Variants in DTNA observed in about 807,000 individuals in gnomAD.
DTNA encodes the protein dystrobrevin alpha, also known as dystrophin-related protein 3.
DTNA carries 43 observed loss-of-function variants against 100.7 expected under a neutral mutation model. The observed-to-expected ratio is 0.43, with a 90% CI of 0.33 to 0.55. The LOEUF is 0.55. Ranked by LOEUF, DTNA falls within the 20% of genes least tolerant of loss-of-function variation. DTNA has a pLI of 0.04. For synonymous variants in DTNA, 349 were observed against 347.9 expected, an observed-to-expected ratio of 1.00 and a Z score of -0.04; for missense variants, 798 against 953.9, an observed-to-expected ratio of 0.84 and a Z score of 2.15.
At chr18:34,557,209 T>A (rs1298793786) in intron 1 of DTNA, among the ~76,000 whole-genome samples, 1 of 146,468 alleles carries the variant, frequency 6.8e-6, no homozygotes, top group African/African-American at 2.6e-5. Context: ...GCCTTGGTTT[T>A]CAGCTCCATC....
At chr18:34,820,363 G>C (rs1241628342) in intron 8 of DTNA, among the ~76,000 whole-genome samples, 3 of 152,222 alleles carry the variant, frequency 2.0e-5, no homozygotes, top group East Asian at 1.9e-4. Context: ...AACTCTTCAT[G>C]GTCTGCCTCT....
intron 1 of DTNA, among the ~76,000 whole-genome samples, chr18:34,716,769 AAAT>A (rs1223554318): frequency 2.6e-5 from 4 of 152,174 alleles, no homozygotes; most frequent in Non-Finnish European, 5.9e-5. Context: ...GAAATTATTA[AAAT>A]AATAATGTTA....
chr18:34,657,479 T>G (rs1235630091), intron 1 of DTNA, among the ~76,000 whole-genome samples: 1 of 152,222 alleles, frequency 6.6e-6, no homozygotes, highest in Non-Finnish European at 1.5e-5. Context: ...GTGGTAAAAG[T>G]AATCTATTTT....
intron 1 of DTNA, among the ~76,000 whole-genome samples, chr18:34,640,944 C>CT (rs1206956635): frequency 6.6e-6 from 1 of 151,956 alleles, no homozygotes; most frequent in Non-Finnish European, 1.5e-5. Context: ...TTGTTGTTTG[C>CT]TTTTTTGGGA....
chr18:34,561,552 A>G (rs1253745759), intron 1 of DTNA, among the ~76,000 whole-genome samples: 1 of 152,158 alleles, frequency 6.6e-6, no homozygotes, highest in African/African-American at 2.4e-5. Context: ...CTATTGAAAT[A>G]GCATTATTTC....
intron 1 of DTNA, among the ~76,000 whole-genome samples, chr18:34,610,823 AT>A (rs2054073241): frequency 1.3e-5 from 2 of 152,324 alleles, no homozygotes; most frequent in African/African-American, 4.8e-5. Flanking sequence ...ACTGCCTAGG[AT>A]TGTTAAAAAG....
At chr18:34,678,493 C>G (rs995462933) in intron 1 of DTNA, among the ~76,000 whole-genome samples, 3 of 152,240 alleles carry the variant, frequency 2.0e-5, no homozygotes, top group African/African-American at 7.2e-5. Flanking sequence ...TGCCTTGTCC[C>G]TTTTACTTTA....
chr18:34,875,113 T>G, intron 17 of DTNA, 126 bp from the exon 18 acceptor site: 1 of 1,377,160 alleles, frequency 7.3e-7, no homozygotes, highest in Admixed American at 2.1e-5. Flanking sequence ...ACCAACACAA[T>G]TACCTAGGAT....
intron 1 of DTNA, among the ~76,000 whole-genome samples, chr18:34,529,461 A>G (rs1270511813): frequency 6.6e-6 from 1 of 152,106 alleles, no homozygotes; most frequent in Non-Finnish European, 1.5e-5. Context: ...TATATTCTTC[A>G]AGATCAAACA....
chr18:34,785,429 A>T (rs989052067), intron 3 of DTNA, among the ~76,000 whole-genome samples: 1 of 152,214 alleles, frequency 6.6e-6, no homozygotes, highest in African/African-American at 2.4e-5. Context: ...CTACCTGAAT[A>T]TGAGAGTAAA....
chr18:34,506,785 T>G (rs540786908), intron 1 of DTNA, among the ~76,000 whole-genome samples: 10 of 152,306 alleles, frequency 6.6e-5, no homozygotes, highest in Admixed American at 3.3e-4. Flanking sequence ...CTGATTTGTC[T>G]TCTCTTCTCC....
At chr18:34,542,258 A>T (rs1601656303) in intron 1 of DTNA, among the ~76,000 whole-genome samples, 1 of 152,038 alleles carries the variant, frequency 6.6e-6, no homozygotes, top group East Asian at 1.9e-4. Context: ...CTATAAATTC[A>T]CTTTTATCAT....
chr18:34,803,334 G>A (rs1019370470), intron 4 of DTNA, among the ~76,000 whole-genome samples: 1 of 151,666 alleles, frequency 6.6e-6, no homozygotes, highest in South Asian at 2.1e-4. Flanking sequence ...TATAACCACT[G>A]TTGGATCTAG....
intron 1 of DTNA, among the ~76,000 whole-genome samples, chr18:34,745,379 G>A (rs2091400126): frequency 6.6e-6 from 1 of 152,068 alleles, no homozygotes; most frequent in Non-Finnish European, 1.5e-5. Flanking sequence ...GCCATTAGCA[G>A]CCCCAGTAAT....
chr18:34,821,164 C>T (rs1347756248), intron 9 of DTNA: 1 of 629,558 alleles, frequency 1.6e-6, no homozygotes, highest in South Asian at 1.5e-5. Context: ...TTTCAGAAAG[C>T]TTAGTTATAA....
chr18:34,528,488 A>G (rs2042848548), intron 1 of DTNA, among the ~76,000 whole-genome samples: 1 of 152,088 alleles, frequency 6.6e-6, no homozygotes, highest in South Asian at 2.1e-4. Flanking sequence ...ATATATATAT[A>G]CACACACATA....
At chr18:34,649,323 T>A (rs1262339473) in intron 1 of DTNA, among the ~76,000 whole-genome samples, 1 of 152,190 alleles carries the variant, frequency 6.6e-6, no homozygotes, top group African/African-American at 2.4e-5. Flanking sequence ...GATTGATATA[T>A]CTGCAAAACG....
At chr18:34,596,587 C>G (rs948799040) in intron 1 of DTNA, among the ~76,000 whole-genome samples, 6 of 152,112 alleles carry the variant, frequency 3.9e-5, no homozygotes, top group Admixed American at 2.6e-4. Context: ...CTTATTACAT[C>G]GGGTATATCA....
At chr18:34,518,118 A>G (rs1434635655) in intron 1 of DTNA, among the ~76,000 whole-genome samples, 1 of 152,184 alleles carries the variant, frequency 6.6e-6, no homozygotes. Context: ...TTTATGTTAG[A>G]CATTCTGATA....
Sources: allele counts gnomAD v4.1 joint callset (sites outside exome capture counted in the v4.1 genomes callset), GRCh38; gene constraint gnomAD v4.1.1; transcripts MANE v1.5; gene names NCBI Gene and HGNC (gene_info 2026-07-23, HGNC 2026-07-21).